ARHGEF28: variants seen among roughly 807,000 people sequenced by gnomAD.
ARHGEF28 encodes Rho guanine nucleotide exchange factor 28, also known as 190 kDa guanine nucleotide exchange factor.
Under a neutral mutation model 206.6 loss-of-function variants are expected in ARHGEF28, and 152 were observed. The observed-to-expected ratio is 0.74, with a 90% CI of 0.64 to 0.84. The LOEUF is 0.84. ARHGEF28 is among the 40% of genes least tolerant of loss of function. ARHGEF28 has a pLI of 0.00. For synonymous variants in ARHGEF28, 763 were observed against 776.4 expected, an observed-to-expected ratio of 0.98 and a Z score of 0.29; for missense variants, 2,028 against 2,073.2, an observed-to-expected ratio of 0.98 and a Z score of 0.42.
At chr5:73,819,503 G>A (rs1337617274) in intron 9 of ARHGEF28, among the ~76,000 whole-genome samples, 1 of 152,228 alleles carries the variant, frequency 6.6e-6, no homozygotes, top group Non-Finnish European at 1.5e-5. Context: ...TCAAACTGGA[G>A]GTTGGTGGGT....
At chr5:73,904,678 A>G (rs529534354) in intron 33 of ARHGEF28, 1 of 442,384 alleles carries the variant, frequency 2.3e-6, no homozygotes, top group East Asian at 3.7e-5. Flanking sequence ...GACATTTACA[A>G]TGAAACTCTT....
chr5:73,864,759 T>C, intron 16 of ARHGEF28, 58 bp from the exon 17 acceptor site: 1 of 1,451,444 alleles, frequency 6.9e-7, no homozygotes, highest in Non-Finnish European at 9.5e-7. Flanking sequence ...TGTAGTCTTA[T>C]TAATTTCAGA....
At chr5:73,921,082 A>C (rs1440206904) in intron 35 of ARHGEF28, among the ~76,000 whole-genome samples, 4 of 152,170 alleles carry the variant, frequency 2.6e-5, no homozygotes, top group African/African-American at 4.8e-5. Context: ...AGTTCAGTGC[A>C]TCTCCCCAGG....
chr5:73,886,218 TG>T, intron 25 of ARHGEF28, 114 bp downstream of exon 25: 1 of 1,301,072 alleles, frequency 7.7e-7, no homozygotes, highest in African/African-American at 1.5e-5. Context: ...GCGCAAACCC[TG>T]GGTCAGTTGA....
intron 9 of ARHGEF28, chr5:73,813,404 C>G: frequency 1.6e-6 from 2 of 1,240,472 alleles, no homozygotes; most frequent in Non-Finnish European, 2.1e-6. Flanking sequence ...TCGGTCTACA[C>G]GCCTGAATGC....
chr5:73,922,111 G>A (rs542041398), intron 35 of ARHGEF28, among the ~76,000 whole-genome samples: 2 of 152,330 alleles, frequency 1.3e-5, no homozygotes, highest in East Asian at 3.9e-4. Flanking sequence ...CTTTCTTGTG[G>A]ATTCTGAGTT....
intron 9 of ARHGEF28, among the ~76,000 whole-genome samples, chr5:73,800,499 T>C (rs776555725): frequency 1.8e-4 from 28 of 152,160 alleles, no homozygotes; most frequent in Non-Finnish European, 3.5e-4. Context: ...ACTTCATTGC[T>C]ATTATTGTTT....
intron 16 of ARHGEF28, among the ~76,000 whole-genome samples, chr5:73,859,700 G>A (rs1321492419): frequency 6.6e-6 from 1 of 152,152 alleles, no homozygotes; most frequent in Non-Finnish European, 1.5e-5. Flanking sequence ...TTTATGGGTT[G>A]TTTCTGGCCT....
intron 1 of ARHGEF28, among the ~76,000 whole-genome samples, chr5:73,676,039 C>T (rs1746656040): frequency 6.7e-6 from 1 of 149,428 alleles, no homozygotes; most frequent in South Asian, 2.1e-4. Context: ...CCGCACCATA[C>T]AATCTACCAG....
intron 9 of ARHGEF28, among the ~76,000 whole-genome samples, chr5:73,796,471 C>T (rs567985789): frequency 1.4e-3 from 208 of 152,344 alleles, no homozygotes; most frequent in African/African-American, 4.5e-3. Context: ...TGAGCCTACA[C>T]GTGCATGGGG....
intron 11 of ARHGEF28, among the ~76,000 whole-genome samples, chr5:73,845,986 C>CAAAAAAAAAAAAAAAA (rs57600570): frequency 4.1e-4 from 26 of 63,756 alleles, no homozygotes; most frequent in Non-Finnish European, 5.8e-4. Flanking sequence ...AAAACTGTCT[C>CAAAAAAAAAAAAAAAA]AAAAAAAAAA....
At chr5:73,842,950 G>A (rs1261735023) in intron 11 of ARHGEF28, among the ~76,000 whole-genome samples, 1 of 148,708 alleles carries the variant, frequency 6.7e-6, no homozygotes, top group Non-Finnish European at 1.5e-5. Flanking sequence ...TGGCACTACT[G>A]CACTCCAGCC....
intron 29 of ARHGEF28, among the ~76,000 whole-genome samples, 161 bp from the exon 30 acceptor site, chr5:73,897,801 T>A (rs1762042252): frequency 6.6e-6 from 1 of 152,276 alleles, no homozygotes; most frequent in Admixed American, 6.5e-5. Context: ...CGTAGGCACA[T>A]GCCCATGTTT....
intron 9 of ARHGEF28, among the ~76,000 whole-genome samples, chr5:73,800,979 T>TG (rs1445281453): frequency 5.3e-5 from 8 of 151,614 alleles, no homozygotes; most frequent in African/African-American, 2.0e-4. Flanking sequence ...AGTGGTGAGC[T>TG]GGGGGGAAAT....
intron 2 of ARHGEF28, among the ~76,000 whole-genome samples, chr5:73,727,157 T>A (rs1368144506): frequency 6.6e-6 from 1 of 152,232 alleles, no homozygotes; most frequent in Non-Finnish European, 1.5e-5. Flanking sequence ...TGAATTGGTA[T>A]AATTGGAGCC....
rs141926149 is a variant in ARHGEF28 at position 73,728,184 on chromosome 5, C to T, written c.34-21653C>T. Among the ~76,000 whole-genome samples the T allele has an allele frequency of 6.0e-3, 907 of 152,296 alleles. 6 individuals carry two copies. Among genetic ancestry groups the T allele is most frequent in the African/African-American group, 0.021 (861 of 41,548 alleles). On this transcript the variant is annotated intron_variant, in intron 2 of 35. Transcript: ENST00000513042. ...GGTAAATTTGATAATGATATCTATGCTGTCATTGAAGCCATAAGTAAACAT... is the reference window on the plus strand; with the variant it reads ...GGTAAATTTGATAATGATATCTATGTTGTCATTGAAGCCATAAGTAAACAT...
chr5:73,882,655 T>A, intron 23 of ARHGEF28, 61 bp downstream of exon 23: 1 of 1,345,604 alleles, frequency 7.4e-7, no homozygotes, highest in Non-Finnish European at 9.9e-7. Flanking sequence ...AGTTTATGCT[T>A]GTTTCTTAAT....
chr5:73,914,913 G>A (rs1245020867), intron 35 of ARHGEF28, among the ~76,000 whole-genome samples: 5 of 152,056 alleles, frequency 3.3e-5, no homozygotes, highest in Non-Finnish European at 5.9e-5. Flanking sequence ...GCTAATTTTT[G>A]GCTTTTTTGT....
intron 2 of ARHGEF28, among the ~76,000 whole-genome samples, chr5:73,736,982 C>G (rs1343993001): frequency 6.6e-6 from 1 of 152,038 alleles, no homozygotes; most frequent in Non-Finnish European, 1.5e-5. Flanking sequence ...AAAGGAGTCC[C>G]CAAGTGTGCT....
Sources: allele counts gnomAD v4.1 joint callset (sites outside exome capture counted in the v4.1 genomes callset), GRCh38; gene constraint gnomAD v4.1.1; transcripts MANE v1.5; gene names NCBI Gene and HGNC (gene_info 2026-07-23, HGNC 2026-07-21).